WWOX: variants seen among roughly 807,000 people sequenced by gnomAD.
The protein encoded by WWOX is WW domain-containing oxidoreductase.
WWOX carries 69 observed loss-of-function variants against 46.2 expected under a neutral mutation model. The observed-to-expected ratio is 1.49, with a 90% CI of 1.23 to 1.82. WWOX has a LOEUF of 1.82. WWOX is among the 40% of genes most tolerant of loss of function. WWOX has a pLI of 0.00. For synonymous variants in WWOX, 359 were observed against 202.6 expected (o/e 1.77, Z -6.56); for missense variants, 919 against 542.6 (o/e 1.69, Z -6.89).
chr16:78,859,065 T>C (rs867050025), intron 8 of WWOX, among the ~76,000 whole-genome samples: 10 of 97,774 alleles, frequency 1.0e-4, no homozygotes, highest in African/African-American at 4.1e-4. Context: ...TATATATATA[T>C]ATATATATGA....
intron 8 of WWOX, among the ~76,000 whole-genome samples, chr16:78,936,452 A>T (rs1417213435): frequency 6.6e-6 from 1 of 152,100 alleles, no homozygotes; most frequent in East Asian, 1.9e-4. Context: ...CTGTAGGCTT[A>T]GCTACTCAGT....
In WWOX at chr16:78,542,157, G is replaced by A. The variant is rs911703250; in HGVS notation, c.1056+109405G>A. ...TTTCTATCGACACTAGACATCTCAG[G>A]ATTTGAAATGTTAAGCTAACAGAAA... On this transcript the variant is annotated intron_variant, in intron 8 of 8. Transcript: ENST00000566780. Among the ~76,000 whole-genome samples, 32 of 139,312 alleles carry A rather than the reference G, an allele frequency of 2.3e-4. 1 individual carries two copies. Among genetic ancestry groups the A allele is most frequent in the African/African-American group, 7.9e-4 (32 of 40,718 alleles). The allele number at this position is 139,312 out of a possible 152,430, so 91.4% of individuals were successfully genotyped here.
At chr16:79,024,402 G>T (rs2047595364) in intron 8 of WWOX, among the ~76,000 whole-genome samples, 1 of 152,084 alleles carries the variant, frequency 6.6e-6, no homozygotes, top group African/African-American at 2.4e-5. Flanking sequence ...GAGACTACAG[G>T]TGCGTGCTAC....
At chr16:78,872,178 A>G (rs375484760) in intron 8 of WWOX, among the ~76,000 whole-genome samples, 3 of 152,232 alleles carry the variant, frequency 2.0e-5, no homozygotes, top group East Asian at 3.9e-4. Flanking sequence ...GATGTCTAAC[A>G]GTGCAACCCA....
chr16:78,617,279 G>T (rs112758714), intron 8 of WWOX, among the ~76,000 whole-genome samples: 2 of 152,072 alleles, frequency 1.3e-5, no homozygotes, highest in African/African-American at 2.4e-5. Context: ...GCGTGCACCT[G>T]TGGCCTCAGC....
intron 5 of WWOX, among the ~76,000 whole-genome samples, chr16:78,336,305 C>A (rs1277734796): frequency 1.4e-5 from 2 of 141,818 alleles, no homozygotes; most frequent in African/African-American, 5.2e-5. Context: ...AAACCCCATC[C>A]CTACTAAAAA....
At chr16:78,796,766 T>C (rs951414649) in intron 8 of WWOX, among the ~76,000 whole-genome samples, 3 of 152,148 alleles carry the variant, frequency 2.0e-5, no homozygotes, top group Non-Finnish European at 2.9e-5. Flanking sequence ...CAGCCACTCA[T>C]TGCTGTGTGA....
intron 6 of WWOX, 70 bp from the exon 7 acceptor site, chr16:78,424,800 C>A: frequency 1.3e-6 from 2 of 1,572,570 alleles, no homozygotes; most frequent in Non-Finnish European, 1.7e-6. Flanking sequence ...ACGTGGATTC[C>A]CGAAGGAGCA....
chr16:79,048,726 C>T (rs941528181), intron 8 of WWOX, among the ~76,000 whole-genome samples: 1 of 152,184 alleles, frequency 6.6e-6, no homozygotes, highest in African/African-American at 2.4e-5. Context: ...GTCTTGCCTG[C>T]AGCAGATGCA....
chr16:78,278,976 C>T (rs1329287444), intron 5 of WWOX, among the ~76,000 whole-genome samples: 2 of 152,062 alleles, frequency 1.3e-5, no homozygotes, highest in Non-Finnish European at 2.9e-5. Context: ...TAGTCCATCT[C>T]TATTGTATTA....
chr16:78,945,871 A>G (rs1432928850), intron 8 of WWOX, among the ~76,000 whole-genome samples: 1 of 152,142 alleles, frequency 6.6e-6, no homozygotes, highest in African/African-American at 2.4e-5. Context: ...ATAAGGAGCC[A>G]GTCCTGGCTC....
intron 8 of WWOX, among the ~76,000 whole-genome samples, chr16:78,718,891 G>C (rs182023274): frequency 5.6e-4 from 85 of 152,268 alleles, no homozygotes; most frequent in African/African-American, 2.0e-3. Context: ...TTGGGGAGGG[G>C]TGGATGGGGC....
At chr16:78,331,247 C>G (rs902167000) in intron 5 of WWOX, among the ~76,000 whole-genome samples, 24 of 152,216 alleles carry the variant, frequency 1.6e-4, no homozygotes, top group Middle Eastern at 3.4e-3. Flanking sequence ...GCGTTTCTTG[C>G]ATTTGTTACT....
At chr16:78,538,194 C>A (rs941143537) in intron 8 of WWOX, among the ~76,000 whole-genome samples, 1 of 109,520 alleles carries the variant, frequency 9.1e-6, no homozygotes, top group African/African-American at 3.6e-5. Context: ...AGATTGTAAT[C>A]TTTAATTAAG....
In WWOX at chr16:79,141,692, ACT is replaced by A. The variant is rs568455078; in HGVS notation, c.1057-69912_1057-69911del. On this transcript the variant is annotated intron_variant, in intron 8 of 8. Transcript: ENST00000566780. ...GAAGGAAGCAGTGTCCATTAGGTTG[ACT>A]CTCCAGTGCTTCTTGGTGTTGTGAT... Among the ~76,000 whole-genome samples, 654 of 151,260 alleles carry A rather than the reference ACT, an allele frequency of 4.3e-3. 3 individuals carry two copies. Among genetic ancestry groups the A allele is most frequent in the African/African-American group, 0.015 (626 of 41,004 alleles).
chr16:78,161,472 G>A (rs2034790701), intron 4 of WWOX, among the ~76,000 whole-genome samples: 2 of 149,118 alleles, frequency 1.3e-5, no homozygotes, highest in South Asian at 4.2e-4. Flanking sequence ...ATTGAGACAG[G>A]GCCTTGCTCT....
intron 5 of WWOX, among the ~76,000 whole-genome samples, chr16:78,321,306 A>ATATATATGCGTATATATACG (rs2080465719): frequency 1.5e-4 from 11 of 74,202 alleles, no homozygotes; most frequent in African/African-American, 5.3e-4. Flanking sequence ...ATATATACGT[A>ATATATATGCGTATATATACG]TATATATGCG....
chr16:78,520,538 G>A (rs948238548), intron 8 of WWOX, among the ~76,000 whole-genome samples: 6 of 151,776 alleles, frequency 4.0e-5, no homozygotes, highest in Admixed American at 1.3e-4. Context: ...AATAAATGTC[G>A]TCTTGGATGC....
At chr16:78,774,384 A>G (rs890418272) in intron 8 of WWOX, among the ~76,000 whole-genome samples, 1 of 152,172 alleles carries the variant, frequency 6.6e-6, no homozygotes, top group African/African-American at 2.4e-5. Context: ...CTGGTGACAG[A>G]GCGAGACAAT....
Sources: gnomAD v4.1 joint callset for allele counts (sites outside exome capture counted in the v4.1 genomes callset) on GRCh38, gnomAD v4.1.1 for gene constraint, MANE v1.5 for transcripts, NCBI Gene and HGNC (gene_info 2026-07-23, HGNC 2026-07-21) for gene names.